SHOX: variants seen among roughly 807,000 people sequenced by gnomAD.
SHOX encodes the protein SHOX homeobox, also known as short stature homeobox protein.
A neutral mutation model predicts 29.6 loss-of-function variants in SHOX; 12 were observed. The observed-to-expected ratio is 0.41, with a 90% CI of 0.26 to 0.66. The LOEUF is 0.66. Among genes scored for constraint, SHOX ranks in the 30% least tolerant of loss-of-function variants. The pLI, the probability that SHOX is intolerant of heterozygous loss-of-function variation, is 0.35. For synonymous variants in SHOX, 214 were observed against 200.6 expected (o/e 1.07, Z -0.57); for missense variants, 499 against 437.7 (o/e 1.14, Z -1.25).
At chrX:652,177 G>C (rs1385491001), downstream of SHOX, among the ~76,000 whole-genome samples, 1 of 151,938 alleles carries the variant, frequency 6.6e-6, no homozygotes, top group African/African-American at 2.4e-5. Context: ...CCCGCGTCTG[G>C]GCCCGGCCGG....
At chrX:639,958 A>G (rs2052822032) in intron 2 of SHOX, among the ~76,000 whole-genome samples, 1 of 151,254 alleles carries the variant, frequency 6.6e-6, no homozygotes, top group Non-Finnish European at 1.5e-5. Flanking sequence ...GTGAGATCAC[A>G]CCACTGCACT....
Position 641,027 on chromosome X carries a change from A to G in SHOX, c.573A>G (p.Leu191=). The change falls in exon 4 of 5, where the codon CTA becomes CTG. Residue 191 remains leucine, a synonymous_variant. Coordinates refer to ENST00000686671, the MANE Select transcript of SHOX (RefSeq NM_000451.4). The part of the protein sequence containing the change: ...KGVILGTANH[L]DACRVAPYVN... ...TCATCTTGGGCACAGCCAACCACCT[A>G]GACGCCTGCCGAGTGGCACCCTACG... is the stretch of plus-strand genomic sequence containing the variant. 1 of 1,613,828 alleles carries G rather than the reference A, an allele frequency of 6.2e-7. No homozygotes were observed. The highest frequency in any genetic ancestry group is 8.5e-7 in the Non-Finnish European group (1 of 1,179,836).
At position 634,593 on chromosome X, in the gene SHOX, C is replaced by T. The variant is rs377482405; in HGVS notation, c.278-25C>T. Reference sequence around the variant, plus strand: ...TGCGCAAAACCTCCCCGGCCTCAGCCCTGTGCCCTCCGCTCCCCACGCAGG... The same window carrying T: ...TGCGCAAAACCTCCCCGGCCTCAGCTCTGTGCCCTCCGCTCCCCACGCAGG... On this transcript the variant is annotated intron_variant, in intron 1 of 4. Transcript: ENST00000686671. The T allele has an allele frequency of 3.1e-6, 5 of 1,611,540 alleles. No individual in the cohort carries two copies. The East Asian group carries it at 1.1e-4, about 36-fold the overall frequency.
At chrX:637,785 G>A (rs1168764944) in intron 2 of SHOX, among the ~76,000 whole-genome samples, 2 of 152,156 alleles carry the variant, frequency 1.3e-5, no homozygotes, top group South Asian at 2.1e-4. Context: ...GGTCACATGC[G>A]TCTCAGTACA....
intron 2 of SHOX, among the ~76,000 whole-genome samples, chrX:640,359 G>T (rs2052830185): frequency 1.3e-5 from 2 of 149,822 alleles, no homozygotes; most frequent in African/African-American, 4.9e-5. Context: ...ACAAAAGAAA[G>T]CAAAAACAAA....
chrX:631,580 G>A (rs1603284238), intron 1 of SHOX, among the ~76,000 whole-genome samples: 1 of 152,340 alleles, frequency 6.6e-6, no homozygotes, highest in African/African-American at 2.4e-5. Flanking sequence ...CCCCCAGGCT[G>A]GAGTGCAGTG....
rs2052933344 is a variant in SHOX, at chrX:644,734, C to T, written c.*98C>T. The T allele has an allele frequency of 1.1e-5, 14 of 1,327,870 alleles. No homozygotes were observed. In the South Asian group the frequency reaches 1.2e-4, roughly 11 times the overall value. 82.3% of individuals were successfully genotyped at this position (1,327,870 alleles called of 1,614,324 possible). A position where few individuals can be genotyped will look rare whatever the true frequency, so the allele number is the denominator to read the frequency against. ...TCAACCCCGCCTGGAGCTCCTTCCG[C>T]GGCCACCGTGCTCCGGGCACCCCGG... On this transcript the variant is annotated 3_prime_UTR_variant, in exon 5 of 5. Transcript: ENST00000686671.
At chrX:653,344 C>G (rs1279420301), downstream of SHOX, among the ~76,000 whole-genome samples, 3 of 152,216 alleles carry the variant, frequency 2.0e-5, no homozygotes, top group Non-Finnish European at 4.4e-5. Flanking sequence ...TTGAGAGACT[C>G]TGTCCCTTAG....
At chrX:656,894 C>G (rs2053155382) in intron 5 of SHOX, among the ~76,000 whole-genome samples, 1 of 138,258 alleles carries the variant, frequency 7.2e-6, no homozygotes, top group Non-Finnish European at 1.6e-5. Context: ...CCACTGCCCT[C>G]CAGCCTGGGC....
At chrX:640,083 G>T (rs1204023421) in intron 2 of SHOX, among the ~76,000 whole-genome samples, 4 of 147,896 alleles carry the variant, frequency 2.7e-5, no homozygotes, top group African/African-American at 5.0e-5. Flanking sequence ...AGTGGCTCAC[G>T]CCTGTCATCC....
chrX:624,552 A>G (rs781635351), exon 1 of SHOX: 2 of 152,062 alleles, frequency 1.3e-5, no homozygotes, highest in African/African-American at 2.4e-5. Context: ...TGGGGACGCC[A>G]GGACGCGAAT....
At chrX:633,460 C>G (rs1913357284) in intron 1 of SHOX, among the ~76,000 whole-genome samples, 2 of 150,914 alleles carry the variant, frequency 1.3e-5, no homozygotes, top group Non-Finnish European at 2.9e-5. Context: ...GAGTAAGCGT[C>G]CAGCGCTGAA....
upstream of SHOX, among the ~76,000 whole-genome samples, chrX:628,757 G>C (rs1246368783): frequency 2.5e-4 from 2 of 8,052 alleles, 1 homozygote; most frequent in East Asian, 2.3e-3. Flanking sequence ...CTATCTGTCT[G>C]TCTCTCTCTT....
chrX:634,890 C>G, intron 2 of SHOX, 64 bp downstream of exon 2: 2 of 1,504,876 alleles, frequency 1.3e-6, no homozygotes, highest in Non-Finnish European at 1.8e-6. Flanking sequence ...GAGCGCACAG[C>G]ACGCGTACAG....
downstream of SHOX, among the ~76,000 whole-genome samples, chrX:653,626 A>T (rs2053098574): frequency 6.6e-6 from 1 of 151,182 alleles, no homozygotes; most frequent in African/African-American, 2.5e-5. Context: ...CACATTTAAA[A>T]AAAAAAAAAT....
At chrX:634,438 G>C (rs1370621511) in intron 1 of SHOX, among the ~76,000 whole-genome samples, 180 bp from the exon 2 acceptor site, 2 of 152,226 alleles carry the variant, frequency 1.3e-5, no homozygotes, top group East Asian at 1.9e-4. Flanking sequence ...CAAAGCCCAG[G>C]TTTTTGGGAA....
chrX:627,518 T>C (rs2052559930), upstream of SHOX, among the ~76,000 whole-genome samples: 2 of 152,290 alleles, frequency 1.3e-5, no homozygotes, highest in Admixed American at 1.3e-4. Context: ...CAGAAACTCT[T>C]AGGAAAAGCG....
In SHOX at chrX:648,889, C is replaced by CTTCCTTCCTTCCTTCCTTCCTTCCT. The variant is rs1556471454; in HGVS notation, c.*4254_*4255insTCCTTCCTTCCTTCCTTCCTTCCTT. On this transcript the variant is annotated 3_prime_UTR_variant, in exon 5 of 5. Coordinates refer to ENST00000686671, the MANE Select transcript of SHOX (RefSeq NM_000451.4). ...ACCAACGCCCTCTTCTCTCTCCCTT[C>CTTCCTTCCTTCCTTCCTTCCTTCCT]TCCTTCCTTCCTTCCTTCCTTTCTT... Among the ~76,000 whole-genome samples, 4 of 141,850 alleles carry CTTCCTTCCTTCCTTCCTTCCTTCCT rather than the reference C, an allele frequency of 2.8e-5. No homozygotes were observed. The highest frequency in any genetic ancestry group is 1.1e-4 in the African/African-American group (4 of 37,598). 93.1% of individuals were successfully genotyped at this position (141,850 alleles called of 152,430 possible).
intron 2 of SHOX, among the ~76,000 whole-genome samples, chrX:636,767 ATT>A (rs1411290033): frequency 2.1e-5 from 3 of 141,020 alleles, no homozygotes; most frequent in South Asian, 2.1e-4. Flanking sequence ...AAATATATAT[ATT>A]AACATATATA....
Sources: allele counts gnomAD v4.1 joint callset (sites outside exome capture counted in the v4.1 genomes callset), GRCh38; gene constraint gnomAD v4.1.1; transcripts MANE v1.5; gene names NCBI Gene and HGNC (gene_info 2026-07-23, HGNC 2026-07-21).